POLR3E: variants seen among roughly 807,000 people sequenced by gnomAD.
POLR3E encodes DNA-directed RNA polymerase III subunit RPC5.
A neutral mutation model predicts 96.6 loss-of-function variants in POLR3E; 41 were observed. The ratio of observed to expected loss-of-function variants is 0.42; its 90% CI spans 0.33 to 0.55. The LOEUF (loss-of-function observed/expected upper bound fraction) is 0.55, where lower values mean the gene tolerates loss of function less well. POLR3E is among the 20% of genes least tolerant of loss of function. The pLI, the probability that POLR3E is intolerant of heterozygous loss-of-function variation, is 0.06. For synonymous variants in POLR3E, 396 were observed against 383.6 expected (o/e 1.03, Z -0.38); for missense variants, 849 against 952.1 (o/e 0.89, Z 1.43).
At chr16:22,308,341 T>C (rs1301027808) in intron 4 of POLR3E, 116 bp downstream of exon 4, 1 of 801,972 alleles carries the variant, frequency 1.2e-6, no homozygotes, top group Non-Finnish European at 2.2e-6. Context: ...AACCAGCAAC[T>C]CCCAGGCCCT....
chr16:22,298,621 G>A (rs149871804), intron 1 of POLR3E, among the ~76,000 whole-genome samples: 56 of 152,216 alleles, frequency 3.7e-4, no homozygotes, highest in Non-Finnish European at 5.6e-4. Flanking sequence ...CCATACTGCC[G>A]TTTATCAGAA....
intron 1 of POLR3E, among the ~76,000 whole-genome samples, chr16:22,297,963 C>T (rs1026840995): frequency 3.3e-5 from 5 of 152,242 alleles, no homozygotes; most frequent in Non-Finnish European, 7.3e-5. Flanking sequence ...GGATCGGCGG[C>T]CCGCCCCGAT....
At chr16:22,304,163 TCC>T (rs1255976500) in intron 2 of POLR3E, among the ~76,000 whole-genome samples, 1 of 152,082 alleles carries the variant, frequency 6.6e-6, no homozygotes, top group African/African-American at 2.4e-5. Context: ...CCTTTCAGAA[TCC>T]TTTTAACCCA....
intron 4 of POLR3E, 162 bp downstream of exon 4, chr16:22,308,387 G>T: frequency 1.6e-6 from 1 of 643,170 alleles, no homozygotes; most frequent in Non-Finnish European, 2.8e-6. Context: ...AGAAAGACAG[G>T]GATGGGCAGC....
intron 17 of POLR3E, 55 bp from the exon 18 acceptor site, chr16:22,325,706 C>G: frequency 6.7e-7 from 1 of 1,502,264 alleles, no homozygotes; most frequent in Non-Finnish European, 8.8e-7. Flanking sequence ...CCCTGCTGGG[C>G]TTTTGGCTTC....
In POLR3E at chr16:22,334,484, T is replaced by G. The variant is rs564414372; in HGVS notation, c.*784T>G. The stretch of plus-strand genomic sequence containing the variant: ...TCAAATGGTTACAGGAAGGCGATCT[T>G]GTTGGGCTCAGCGTTACGTGTATCT... On this transcript the variant is annotated 3_prime_UTR_variant, in exon 21 of 21. Transcript: ENST00000299853. The G allele has an allele frequency of 2.0e-5, 3 of 152,308 alleles. No individual in the cohort carries two copies. The highest frequency in any genetic ancestry group is 6.5e-5 in the Admixed American group (1 of 15,294). The allele number at this position is 152,308 out of a possible 1,614,324, so 9.4% of individuals were successfully genotyped here. A position where few individuals can be genotyped will look rare whatever the true frequency, so the allele number is the denominator to read the frequency against.
chr16:22,305,033 CCT>C, intron 2 of POLR3E, 121 bp from the exon 3 acceptor site: 1 of 782,100 alleles, frequency 1.3e-6, no homozygotes, highest in Non-Finnish European at 2.3e-6. Context: ...TGAGCTATTT[CCT>C]CCTTCCCCAA....
intron 6 of POLR3E, among the ~76,000 whole-genome samples, chr16:22,311,964 G>A (rs2048256539): frequency 6.6e-6 from 1 of 152,172 alleles, no homozygotes; most frequent in Admixed American, 6.5e-5. Context: ...TGCGATGTTT[G>A]CACAACGATG....
Position 22,333,657 on chromosome 16 carries a change from G to C in POLR3E, c.2084G>C (p.Ser695Thr), listed in dbSNP as rs757368468. 10 of 1,611,676 alleles carry C rather than the reference G, an allele frequency of 6.2e-6. No homozygotes were observed. In the Admixed American group the frequency reaches 1.7e-4, roughly 27 times the overall value. Residue 695 changes from serine to threonine, a missense_variant, in exon 21 of 21, where the codon AGC becomes ACC. Ser to Thr is a moderately conservative substitution (Grantham distance 58). Transcript: ENST00000299853. ...TCTCTCTCATAGGACTGCTGTGTAA[G>C]CTATGGTGGCATGTGGTACCTTAAA... The part of the protein sequence containing the change: ...VDKVLKDCCV[S>T]YGGMWYLKGT...
intron 9 of POLR3E, among the ~76,000 whole-genome samples, chr16:22,316,394 C>T (rs1277732072): frequency 2.6e-5 from 4 of 152,204 alleles, no homozygotes; most frequent in African/African-American, 7.2e-5. Context: ...GACAAGGCAT[C>T]GAGGCTTGGG....
chr16:22,324,388 G>A lies in POLR3E; in HGVS notation c.1103G>A (p.Arg368Lys). The A allele has an allele frequency of 1.2e-6, 2 of 1,612,920 alleles. No homozygotes were observed. Among genetic ancestry groups the A allele is most frequent in the Non-Finnish European group, 1.7e-6 (2 of 1,179,622 alleles). ...WKFTQSRWVVRKEVATVTKLC... is the reference protein window; with the variant it reads ...WKFTQSRWVVKKEVATVTKLC... The stretch of plus-strand genomic sequence containing the variant: ...TTCACGCAGAGCCGCTGGGTGGTTA[G>A]GAAAGAGGTGGCAACCGTGACCAAA... Residue 368 changes from arginine to lysine, a missense_variant, in exon 15 of 21, where the codon AGG (arginine) becomes AAG (lysine). Physicochemically the swap from Arg to Lys is conservative, Grantham distance 26. Coordinates refer to ENST00000299853, the MANE Select transcript of POLR3E (RefSeq NM_018119.4).
intron 1 of POLR3E, among the ~76,000 whole-genome samples, chr16:22,299,995 A>G (rs2047989932): frequency 6.6e-6 from 1 of 152,172 alleles, no homozygotes; most frequent in African/African-American, 2.4e-5. Context: ...GATTACCGGC[A>G]TGAGCCACCA....
chr16:22,308,273 A>C, intron 4 of POLR3E, 48 bp downstream of exon 4: 1 of 1,452,092 alleles, frequency 6.9e-7, no homozygotes, highest in Non-Finnish European at 9.7e-7. Context: ...GAGGGTGATG[A>C]GGGTGGGAGC....
chr16:22,313,767 C>T lies in POLR3E; in HGVS notation c.472+40C>T. On this transcript the variant is annotated intron_variant, in intron 7 of 20. Transcript: ENST00000299853. This position sits in a 1 kb window ranked among gnomAD's most constrained non-coding sequence, Gnocchi z 4.1. The stretch of plus-strand genomic sequence containing the variant: ...CCCAGCCCTGCTGCCTGCCTGCCTT[C>T]ATCCTGGTGGGATGGCTTGGTCCTG... The T allele has an allele frequency of 7.3e-7, 1 of 1,370,182 alleles. No homozygotes were observed. Among genetic ancestry groups the T allele is most frequent in the Non-Finnish European group, 1.0e-6 (1 of 964,452 alleles). 84.9% of individuals were successfully genotyped at this position (1,370,182 alleles called of 1,614,324 possible). A position where few individuals can be genotyped will look rare whatever the true frequency, so the allele number is the denominator to read the frequency against.
Position 22,324,526 on chromosome 16 carries a change from C to G in POLR3E, c.1152C>G (p.Asp384Glu). The change falls in exon 16 of 21, where the codon GAC (aspartate) becomes GAG (glutamate). Residue 384 changes from aspartate (D) to glutamate (E), a missense_variant. Transcript: ENST00000299853. ...AGCTCTGCGCCGAGGATGTGAAGGA[C>G]TTCCTGGAGCACATGGCCGTGGTGA... is the stretch of plus-strand genomic sequence containing the variant. Reference protein sequence around the residue: ...VTKLCAEDVKDFLEHMAVVRI... With the variant: ...VTKLCAEDVKEFLEHMAVVRI... The G allele has an allele frequency of 2.5e-6, 4 of 1,612,496 alleles. No homozygotes were observed. Among genetic ancestry groups the G allele is most frequent in the Non-Finnish European group, 3.4e-6 (4 of 1,179,344 alleles).
chr16:22,324,274 G>A, intron 14 of POLR3E, 80 bp from the exon 15 acceptor site: 6 of 1,167,422 alleles, frequency 5.1e-6, no homozygotes, highest in Non-Finnish European at 7.7e-6. Context: ...CCAGCTCCCA[G>A]GCCTGCCAGG....
intron 13 of POLR3E, among the ~76,000 whole-genome samples, chr16:22,321,839 C>A (rs1193585338): frequency 6.6e-6 from 1 of 152,236 alleles, no homozygotes; most frequent in Non-Finnish European, 1.5e-5. Flanking sequence ...TCTGCTGCTG[C>A]CCATGCTGCC....
At chr16:22,306,951 C>T (rs2048145927) in intron 3 of POLR3E, among the ~76,000 whole-genome samples, 1 of 152,236 alleles carries the variant, frequency 6.6e-6, no homozygotes, top group Non-Finnish European at 1.5e-5. Context: ...CTGGCCTCCA[C>T]TCCCTGGGGT....
intron 19 of POLR3E, among the ~76,000 whole-genome samples, chr16:22,330,870 A>C (rs922333359): frequency 2.6e-5 from 4 of 152,174 alleles, no homozygotes; most frequent in African/African-American, 9.7e-5. Flanking sequence ...AAAGATGCAA[A>C]CAAAACCAGC....
Sources: allele counts gnomAD v4.1 joint callset (sites outside exome capture counted in the v4.1 genomes callset), GRCh38; gene constraint gnomAD v4.1.1; non-coding constraint Gnocchi (gnomAD v3.1); transcripts MANE v1.5; gene names NCBI Gene and HGNC (gene_info 2026-07-23, HGNC 2026-07-21).